Variants in NEGR1 observed in about 807,000 individuals in gnomAD.
NEGR1 encodes IgLON family member 4.
Under a neutral mutation model 40.9 loss-of-function variants are expected in NEGR1, and 10 were observed. The observed-to-expected ratio is 0.24, with a 90% confidence interval of 0.15 to 0.42. The LOEUF (loss-of-function observed/expected upper bound fraction) is 0.42. Among genes scored for constraint, NEGR1 ranks in the 10% least tolerant of loss-of-function variants. The pLI, the probability that NEGR1 is intolerant of heterozygous loss-of-function variation, is 1.00. For missense variants in NEGR1, 352 were observed against 438.9 expected, an observed-to-expected ratio of 0.80 and a Z score of 1.77; for synonymous variants, 185 against 166.8, an observed-to-expected ratio of 1.11 and a Z score of -0.84.
intron 4 of NEGR1, 134 bp downstream of exon 4, chr1:71,697,874 C>T (rs1177925050): frequency 2.7e-5 from 20 of 737,868 alleles, no homozygotes; most frequent in South Asian, 3.8e-5. Flanking sequence ...AACATCTACA[C>T]GTCTTCAGTG....
At chr1:71,872,395 C>G (rs577123704) in intron 2 of NEGR1, among the ~76,000 whole-genome samples, 4 of 152,066 alleles carry the variant, frequency 2.6e-5, no homozygotes, top group African/African-American at 9.7e-5. Context: ...CTCTGTTCAC[C>G]GCGTATTTCT....
chr1:71,897,166 T>A (rs1660997699), intron 2 of NEGR1, among the ~76,000 whole-genome samples: 1 of 151,932 alleles, frequency 6.6e-6, no homozygotes. Flanking sequence ...ATAGAATATA[T>A]ATATATATAC....
intron 1 of NEGR1, among the ~76,000 whole-genome samples, chr1:72,144,007 T>A (rs1650808742): frequency 6.8e-6 from 1 of 148,092 alleles, no homozygotes; most frequent in Non-Finnish European, 1.5e-5. Flanking sequence ...CTCAATGCCT[T>A]TTCCTCTTTT....
intron 1 of NEGR1, among the ~76,000 whole-genome samples, chr1:72,064,273 T>C (rs1035305922): frequency 1.3e-5 from 2 of 152,048 alleles, no homozygotes; most frequent in Non-Finnish European, 2.9e-5. Flanking sequence ...CTTTTTCTCT[T>C]CAGTTATTAA....
intron 6 of NEGR1, among the ~76,000 whole-genome samples, chr1:71,569,948 G>C (rs1333788362): frequency 5.3e-5 from 8 of 151,188 alleles, no homozygotes; most frequent in African/African-American, 1.7e-4. Flanking sequence ...TGGTTATAGA[G>C]TAACAATCAC....
intron 6 of NEGR1, among the ~76,000 whole-genome samples, chr1:71,573,892 G>T (rs1648879654): frequency 6.6e-6 from 1 of 152,052 alleles, no homozygotes; most frequent in Non-Finnish European, 1.5e-5. Context: ...ATGGAGTGTG[G>T]CCCTTTAAAG....
intron 1 of NEGR1, among the ~76,000 whole-genome samples, chr1:71,991,482 T>C (rs914290330): frequency 6.6e-6 from 1 of 152,204 alleles, no homozygotes; most frequent in East Asian, 1.9e-4. Context: ...TGGCTAATGC[T>C]GTACCTGGAA....
intron 5 of NEGR1, among the ~76,000 whole-genome samples, chr1:71,596,063 A>AG (rs1419661497): frequency 2.0e-4 from 27 of 136,356 alleles, no homozygotes; most frequent in African/African-American, 6.2e-4. Context: ...AAAAAAAAAA[A>AG]AGAGAAACAA....
At chr1:72,139,037 TAAAG>T (rs1465468196) in intron 1 of NEGR1, among the ~76,000 whole-genome samples, 1 of 148,592 alleles carries the variant, frequency 6.7e-6, no homozygotes, top group Non-Finnish European at 1.5e-5. Context: ...ACCATTCAAA[TAAAG>T]AAAGATATTT....
intron 2 of NEGR1, among the ~76,000 whole-genome samples, chr1:71,894,504 A>C (rs1307050282): frequency 6.6e-6 from 1 of 152,198 alleles, no homozygotes; most frequent in African/African-American, 2.4e-5. Context: ...TCTTAAAACA[A>C]CACTGAGATA....
chr1:72,009,179 G>T (rs954025855), intron 1 of NEGR1, among the ~76,000 whole-genome samples: 2 of 151,980 alleles, frequency 1.3e-5, no homozygotes, highest in African/African-American at 4.8e-5. Flanking sequence ...TCATGTAGTA[G>T]ATGATGAACA....
chr1:71,894,943 A>G (rs1660926268), intron 2 of NEGR1, among the ~76,000 whole-genome samples: 1 of 152,078 alleles, frequency 6.6e-6, no homozygotes. Context: ...TTTAAAAGGA[A>G]GGAAAAGAAA....
chr1:71,553,222 C>G (rs2101471354), intron 6 of NEGR1, among the ~76,000 whole-genome samples: 1 of 151,632 alleles, frequency 6.6e-6, no homozygotes, highest in Non-Finnish European at 1.5e-5. Flanking sequence ...TGATTTATAT[C>G]TAGCCTCTTT....
intron 4 of NEGR1, among the ~76,000 whole-genome samples, chr1:71,639,802 G>C (rs1651286783): frequency 6.6e-6 from 1 of 151,998 alleles, no homozygotes; most frequent in Admixed American, 6.6e-5. Flanking sequence ...TTCATCCAGA[G>C]TGTCTTCATG....
intron 4 of NEGR1, among the ~76,000 whole-genome samples, chr1:71,623,782 G>T (rs978623039): frequency 2.0e-5 from 3 of 151,760 alleles, no homozygotes; most frequent in Non-Finnish European, 4.4e-5. Context: ...GGGTGTATTT[G>T]GGGCCAAAGC....
At chr1:71,665,635 G>A (rs1652217501) in intron 4 of NEGR1, among the ~76,000 whole-genome samples, 1 of 152,044 alleles carries the variant, frequency 6.6e-6, no homozygotes, top group South Asian at 2.1e-4. Context: ...CTTACATTGA[G>A]CTCCATCATT....
At chr1:71,417,674 C>T (rs1646365227) in intron 6 of NEGR1, among the ~76,000 whole-genome samples, 2 of 152,122 alleles carry the variant, frequency 1.3e-5, no homozygotes, top group Non-Finnish European at 2.9e-5. Flanking sequence ...CACCCTGGCA[C>T]CTCAGTTTTC....
chr1:71,863,577 C>T (rs1384241974), intron 2 of NEGR1, among the ~76,000 whole-genome samples: 3 of 152,070 alleles, frequency 2.0e-5, no homozygotes, highest in Non-Finnish European at 4.4e-5. Context: ...ACTGCATATC[C>T]TGAACACGTA....
intron 4 of NEGR1, among the ~76,000 whole-genome samples, chr1:71,618,768 G>A (rs1183168455): frequency 3.9e-5 from 6 of 151,974 alleles, no homozygotes; most frequent in African/African-American, 7.3e-5. Flanking sequence ...CCAAAAAACC[G>A]GTCCCTGGTG....
Sources: allele counts gnomAD v4.1 joint callset (sites outside exome capture counted in the v4.1 genomes callset), GRCh38; gene constraint gnomAD v4.1.1; transcripts MANE v1.5; gene names NCBI Gene and HGNC (gene_info 2026-07-23, HGNC 2026-07-21).